DCLK2: variants seen among roughly 807,000 people sequenced by gnomAD.
DCLK2 encodes the protein serine/threonine-protein kinase DCLK2.
A neutral mutation model predicts 78.4 loss-of-function variants in DCLK2; 31 were observed. The ratio of observed to expected loss-of-function variants is 0.40; its 90% CI spans 0.30 to 0.53. The LOEUF is 0.53. DCLK2 is among the 20% of genes least tolerant of loss of function. DCLK2 has a pLI of 0.61. For missense variants in DCLK2, 872 were observed against 973.7 expected, an observed-to-expected ratio of 0.90 and a Z score of 1.39; for synonymous variants, 407 against 374.9, an observed-to-expected ratio of 1.09 and a Z score of -0.99.
intron 2 of DCLK2, among the ~76,000 whole-genome samples, chr4:150,154,290 T>G (rs893164220): frequency 1.3e-5 from 2 of 152,164 alleles, no homozygotes; most frequent in African/African-American, 4.8e-5. Flanking sequence ...CACTAGACTG[T>G]GAGCTCCTTG....
chr4:150,091,271 C>G (rs142879867), intron 1 of DCLK2, among the ~76,000 whole-genome samples: 1 of 152,168 alleles, frequency 6.6e-6, no homozygotes, highest in Non-Finnish European at 1.5e-5. Context: ...GCTCGAATAT[C>G]TTTTCCTTGG....
At chr4:150,195,718 T>C (rs1456372953) in intron 3 of DCLK2, among the ~76,000 whole-genome samples, 1 of 151,274 alleles carries the variant, frequency 6.6e-6, no homozygotes, top group African/African-American at 2.4e-5. Flanking sequence ...TGATCTAAGC[T>C]ACTTGGATCG....
At chr4:150,140,140 A>G (rs545582986) in intron 2 of DCLK2, among the ~76,000 whole-genome samples, 1 of 152,324 alleles carries the variant, frequency 6.6e-6, no homozygotes, top group East Asian at 1.9e-4. Context: ...CTCCATAGAA[A>G]ACATAAACAT....
chr4:150,108,467 C>T (rs960012079), intron 2 of DCLK2, among the ~76,000 whole-genome samples: 3 of 151,796 alleles, frequency 2.0e-5, no homozygotes, highest in Admixed American at 6.6e-5. Context: ...TGGCATGAAC[C>T]CAGGAGGCGG....
chr4:150,079,238 G>A lies in DCLK2; in HGVS notation c.211G>A (p.Ala71Thr). The A allele has an allele frequency of 6.2e-7, 1 of 1,609,582 alleles. No individual in the cohort carries two copies. The highest frequency in any genetic ancestry group is 8.5e-7 in the Non-Finnish European group (1 of 1,178,150). ...TLQALSSEKK[A>T]KKARFYRNGD... ...GCAGGCCCTCAGCTCGGAGAAGAAG[G>A]CCAAGAAGGCGCGCTTCTACCGGAA... The change falls in exon 1 of 16, where the codon GCC becomes ACC. Residue 71 changes from alanine to threonine, a missense_variant. By Grantham distance (58) the Ala-to-Thr change is moderately conservative (BLOSUM62 0). Coordinates refer to ENST00000296550, the MANE Select transcript of DCLK2 (RefSeq NM_001040260.4).
chr4:150,219,457 C>T lies in DCLK2; in HGVS notation c.1057-1246C>T, dbSNP rs190054780. Among the ~76,000 whole-genome samples the T allele has an allele frequency of 3.9e-3, 587 of 152,028 alleles. 4 individuals are homozygous for T. The highest frequency in any genetic ancestry group is 5.0e-3 in the Non-Finnish European group (337 of 67,968). ...TGTATTTTCAGTAGAGACGGGGTCT[C>T]ACCATGTTGGTCAGGCTGGTCTCAA... On this transcript the variant is annotated intron_variant, in intron 5 of 15. Coordinates refer to ENST00000296550, the MANE Select transcript of DCLK2 (RefSeq NM_001040260.4).
chr4:150,165,827 CTAA>C (rs1410469280), intron 2 of DCLK2, among the ~76,000 whole-genome samples: 1 of 152,124 alleles, frequency 6.6e-6, no homozygotes, highest in East Asian at 1.9e-4. Context: ...AAGGTAGAGC[CTAA>C]TAAGATCTGA....
intron 8 of DCLK2, among the ~76,000 whole-genome samples, chr4:150,225,599 G>A (rs916912949): frequency 1.3e-5 from 2 of 152,138 alleles, no homozygotes; most frequent in African/African-American, 4.8e-5. Flanking sequence ...AGGCTGCTAA[G>A]TATAAAATAC....
intron 2 of DCLK2, among the ~76,000 whole-genome samples, chr4:150,177,661 G>A (rs1737191462): frequency 6.6e-6 from 1 of 152,130 alleles, no homozygotes; most frequent in Admixed American, 6.6e-5. Context: ...AGATCGATGA[G>A]CCAAAAAGGA....
At chr4:150,129,632 ATC>A (rs1465009608) in intron 2 of DCLK2, among the ~76,000 whole-genome samples, 3 of 151,898 alleles carry the variant, frequency 2.0e-5, no homozygotes, top group Non-Finnish European at 4.4e-5. Context: ...AGGCAGGAAA[ATC>A]GCTTGAACCC....
intron 5 of DCLK2, among the ~76,000 whole-genome samples, chr4:150,211,313 AAGAG>A (rs140221411): frequency 2.5e-4 from 37 of 148,310 alleles, no homozygotes; most frequent in African/African-American, 6.5e-4. Context: ...ACCAAGTGAT[AAGAG>A]AGAGAGAGAG....
intron 12 of DCLK2, among the ~76,000 whole-genome samples, chr4:150,244,574 G>A (rs777360042): frequency 2.6e-5 from 4 of 152,128 alleles, no homozygotes; most frequent in East Asian, 3.8e-4. Context: ...TTAGACTTAC[G>A]GCACCTTGGT....
rs768126193 is a variant in DCLK2 at position 150,079,423 on chromosome 4, C to T, written c.396C>T (p.Val132=). Residue 132 remains valine (V), a synonymous_variant, in exon 1 of 16, where the codon GTC becomes GTT. Transcript: ENST00000296550. ...ACACCATCGACGGCAGCCGGAAGGT[C>T]ACCAGCCTGGACGAGCTGCTGGAAG... ...TIYTIDGSRK[V]TSLDELLEGE... is the part of the protein sequence containing the mutation. 5 of 1,547,332 alleles carry T rather than the reference C, an allele frequency of 3.2e-6. No homozygotes were observed. The highest frequency in any genetic ancestry group is 4.4e-6 in the Non-Finnish European group (5 of 1,141,900).
intron 4 of DCLK2, among the ~76,000 whole-genome samples, chr4:150,202,021 T>C (rs575120820): frequency 3.3e-4 from 50 of 152,290 alleles, no homozygotes; most frequent in African/African-American, 1.1e-3. Context: ...ATTATCCACA[T>C]CCCCAATTAG....
At chr4:150,131,746 A>C (rs1733328900) in intron 2 of DCLK2, among the ~76,000 whole-genome samples, 1 of 152,118 alleles carries the variant, frequency 6.6e-6, no homozygotes, top group African/African-American at 2.4e-5. Context: ...GACACTGGTC[A>C]CTTCCTTGTT....
chr4:150,132,273 G>A (rs913251009), intron 2 of DCLK2, among the ~76,000 whole-genome samples: 5 of 152,196 alleles, frequency 3.3e-5, no homozygotes, highest in Admixed American at 6.5e-5. Flanking sequence ...TCTCAGAGGA[G>A]TAGTTGACTT....
At position 150,079,260 on chromosome 4, in the gene DCLK2, G is replaced by T. The variant is rs1260865531; in HGVS notation, c.233G>T (p.Arg78Leu). 3.1e-6 allele frequency: 5 copies of T among 1,605,976 alleles called. No homozygotes were observed. In the Admixed American group the frequency reaches 6.8e-5, roughly 22 times the overall value. Residue 78 changes from arginine (R) to leucine (L), a missense_variant, in exon 1 of 16, where the codon CGG becomes CTG. Physicochemically the swap from Arg to Leu is moderately radical, Grantham distance 102 (BLOSUM62 -2). This residue lies in a region of DCLK2 where 567 missense variants were observed against 593.4 expected (regional missense o/e 0.96). Transcript: ENST00000296550. ...EKKAKKARFY[R>L]NGDRYFKGLV... ...AAGGCCAAGAAGGCGCGCTTCTACCGGAACGGGGACCGCTACTTCAAGGGC... is the reference window on the plus strand; with the variant it reads ...AAGGCCAAGAAGGCGCGCTTCTACCTGAACGGGGACCGCTACTTCAAGGGC...
rs1222918070 is a variant in DCLK2 at position 150,106,629 on chromosome 4, T to G, written c.756+3817T>G. ...CACAAGGATAGAAATTAAATAACTT[T>G]TAGGCAATTCACCATGAACAGTCAC... On this transcript the variant is annotated intron_variant, in intron 2 of 15. Coordinates refer to ENST00000296550, the MANE Select transcript of DCLK2 (RefSeq NM_001040260.4). Among the ~76,000 whole-genome samples, 2 of 152,348 alleles carry G rather than the reference T, an allele frequency of 1.3e-5. 1 individual carries two copies. Among genetic ancestry groups the G allele is most frequent in the South Asian group, 4.1e-4 (2 of 4,828 alleles).
intron 1 of DCLK2, among the ~76,000 whole-genome samples, chr4:150,092,949 G>T (rs1328520727): frequency 5.3e-5 from 8 of 152,070 alleles, no homozygotes; most frequent in African/African-American, 1.7e-4. Flanking sequence ...GAACAACTTG[G>T]CAAGAAAAAG....
Sources: allele counts gnomAD v4.1 joint callset (sites outside exome capture counted in the v4.1 genomes callset), GRCh38; gene constraint gnomAD v4.1.1; regional missense constraint gnomAD v4.1.1; transcripts MANE v1.5; gene names NCBI Gene and HGNC (gene_info 2026-07-23, HGNC 2026-07-21).